Variants in CHRM2 observed in about 807,000 individuals in gnomAD.
CHRM2 encodes the protein cholinergic receptor muscarinic 2.
A neutral mutation model predicts 25.0 loss-of-function variants in CHRM2; 8 were observed. The ratio of observed to expected loss-of-function variants is 0.32; its 90% CI spans 0.19 to 0.58. The LOEUF is 0.58. Ranked by LOEUF, CHRM2 falls within the 20% of genes least tolerant of loss-of-function variation. The probability of loss-of-function intolerance (pLI) is 0.88; values close to 1 mark genes in which losing one functional copy is unlikely to be tolerated. For synonymous variants in CHRM2, 202 were observed against 205.7 expected, an observed-to-expected ratio of 0.98 and a Z score of 0.15; for missense variants, 440 against 567.1, an observed-to-expected ratio of 0.78 and a Z score of 2.28.
At position 136,868,860 on chromosome 7, in the gene CHRM2, C is replaced by G. The variant is rs560130287; in HGVS notation, c.-415C>G. 3 of 152,378 alleles carry G rather than the reference C, an allele frequency of 2.0e-5. No individual in the cohort carries two copies. The highest frequency in any genetic ancestry group is 7.2e-5 in the African/African-American group (3 of 41,540). The allele number at this position is 152,378 out of a possible 1,614,324, so 9.4% of individuals were successfully genotyped here. ...TTCACCAGGAAATCGCCGAGGTACC[C>G]GAATAGGTGTTGCCTCCCAAAACTA... On this transcript the variant is annotated 5_prime_UTR_variant, in exon 1 of 4. Transcript: ENST00000680005.
intron 2 of CHRM2, among the ~76,000 whole-genome samples, chr7:136,945,596 A>T (rs1800028614): frequency 6.6e-6 from 1 of 152,002 alleles, no homozygotes; most frequent in South Asian, 2.1e-4. Flanking sequence ...TTTTTATACT[A>T]GTTCCTTGCT....
chr7:136,920,734 A>G (rs530362796), intron 2 of CHRM2, among the ~76,000 whole-genome samples: 1 of 152,244 alleles, frequency 6.6e-6, no homozygotes, highest in African/African-American at 2.4e-5. Flanking sequence ...CTCAAAGCAT[A>G]AGCTCAAAAA....
At position 137,016,092 on chromosome 7, in the gene CHRM2, TAACACCTTTTGTGCACCTTGCATCCCC is replaced by T; in HGVS notation, c.1233_1259del (p.Phe412_Thr420del). ...CCCCATACAATGTCATGGTGCTCAT[TAACACCTTTTGTGCACCTTGCATCCCC>T]AACACTGTGTGGACAATTGGTTACT... On this transcript the variant is annotated inframe_deletion, in exon 4 of 4. Transcript: ENST00000680005. 1 of 1,612,368 alleles carries T rather than the reference TAACACCTTTTGTGCACCTTGCATCCCC, an allele frequency of 6.2e-7. No homozygotes were observed. The highest frequency in any genetic ancestry group is 8.5e-7 in the Non-Finnish European group (1 of 1,179,022).
At chr7:136,929,062 C>T (rs181655023) in intron 2 of CHRM2, among the ~76,000 whole-genome samples, 4 of 152,088 alleles carry the variant, frequency 2.6e-5, no homozygotes, top group East Asian at 1.9e-4. Flanking sequence ...TGTGTGCAGA[C>T]GATATGCGAT....
At chr7:136,918,840 C>G (rs184891379) in intron 2 of CHRM2, among the ~76,000 whole-genome samples, 1 of 152,064 alleles carries the variant, frequency 6.6e-6, no homozygotes, top group Non-Finnish European at 1.5e-5. Context: ...CATCTGTTCT[C>G]TCCTTGGAGA....
At position 136,887,278 on chromosome 7, in the gene CHRM2, TA is replaced by T. The variant is rs547473390; in HGVS notation, c.-125+17866del. On this transcript the variant is annotated intron_variant, in intron 2 of 3. Transcript: ENST00000680005. ...AAATGTATTTTAAAAATGCTTTGCT[TA>T]AAAAACCTTTACAATTTGCAAAGGA... is the stretch of plus-strand genomic sequence containing the variant. 6.2e-3 allele frequency among the ~76,000 whole-genome samples: 937 copies of T among 152,166 alleles called. 13 individuals carry two copies. The highest frequency in any genetic ancestry group is 0.034 in the Middle Eastern group (10 of 294).
At chr7:136,994,169 T>A (rs185147989) in intron 3 of CHRM2, among the ~76,000 whole-genome samples, 1 of 152,238 alleles carries the variant, frequency 6.6e-6, no homozygotes, top group Admixed American at 6.5e-5. Flanking sequence ...CTGACAGACC[T>A]TGGGGAAAAT....
chr7:136,902,839 AAT>A (rs1797304622), intron 2 of CHRM2: 1 of 283,056 alleles, frequency 3.5e-6, no homozygotes, highest in South Asian at 3.3e-5. Flanking sequence ...AGTACAATTT[AAT>A]ATGTTTGTTA....
At chr7:136,895,935 T>G (rs1427093437) in intron 2 of CHRM2, among the ~76,000 whole-genome samples, 2 of 152,180 alleles carry the variant, frequency 1.3e-5, no homozygotes, top group Admixed American at 1.3e-4. Flanking sequence ...TGGGGAGACC[T>G]TCTAAACACA....
At chr7:136,987,726 G>T (rs569862399) in intron 2 of CHRM2, among the ~76,000 whole-genome samples, 1 of 152,212 alleles carries the variant, frequency 6.6e-6, no homozygotes, top group East Asian at 1.9e-4. Flanking sequence ...ATTTCCAAAA[G>T]GTTAGCCTTT....
chr7:137,006,676 T>A lies in CHRM2; in HGVS notation c.-46-8144T>A, dbSNP rs901547587. ...CATTTTTTTTTCTTTTTCACAAAAG[T>A]GCAACTCACATCTAGCACTGCACAC... On this transcript the variant is annotated intron_variant, in intron 3 of 3. Coordinates refer to ENST00000680005, the MANE Select transcript of CHRM2 (RefSeq NM_001006630.2). Among the ~76,000 whole-genome samples the A allele has an allele frequency of 2.4e-4, 37 of 152,036 alleles. 1 individual carries two copies. Among genetic ancestry groups the A allele is most frequent in the African/African-American group, 8.7e-4 (36 of 41,408 alleles).
chr7:136,938,560 G>A, intron 2 of CHRM2: 5 of 906,636 alleles, frequency 5.5e-6, no homozygotes, highest in South Asian at 2.6e-5. Flanking sequence ...CTCCCATGCC[G>A]CTGGCCCCAC....
intron 2 of CHRM2, among the ~76,000 whole-genome samples, chr7:136,967,603 C>T (rs1801497460): frequency 6.6e-6 from 1 of 151,938 alleles, no homozygotes; most frequent in Non-Finnish European, 1.5e-5. Flanking sequence ...ACACATTAGG[C>T]CCTTCCAACT....
At chr7:136,989,955 A>T (rs1406054401) in intron 2 of CHRM2, among the ~76,000 whole-genome samples, 2 of 151,960 alleles carry the variant, frequency 1.3e-5, no homozygotes, top group African/African-American at 4.8e-5. Flanking sequence ...CCTCTCCCAG[A>T]CTCAATTTTG....
At chr7:136,992,364 G>A (rs1213994714) in intron 3 of CHRM2, 100 bp downstream of exon 3, 2 of 152,164 alleles carry the variant, frequency 1.3e-5, no homozygotes, top group African/African-American at 4.8e-5. Flanking sequence ...AGGTAAATAT[G>A]TCAAGTAAAA....
chr7:137,012,865 G>C (rs960873673), intron 3 of CHRM2, among the ~76,000 whole-genome samples: 1 of 151,832 alleles, frequency 6.6e-6, no homozygotes, highest in Non-Finnish European at 1.5e-5. Context: ...AAGTTCTATA[G>C]ATATAGATAC....
At chr7:136,910,116 A>G (rs549250210) in intron 2 of CHRM2, among the ~76,000 whole-genome samples, 6 of 151,946 alleles carry the variant, frequency 3.9e-5, no homozygotes, top group African/African-American at 1.4e-4. Flanking sequence ...GGAAGAGAGT[A>G]AAGACAACAT....
At chr7:136,973,352 C>T (rs186561) in intron 2 of CHRM2, among the ~76,000 whole-genome samples, 18 of 73,662 alleles carry the variant, frequency 2.4e-4, no homozygotes, top group South Asian at 7.5e-4. Context: ...GGGATGGTGG[C>T]AGGTGATGAC....
intron 3 of CHRM2, among the ~76,000 whole-genome samples, chr7:136,998,330 G>C (rs894545632): frequency 1.0e-3 from 153 of 152,006 alleles, no homozygotes; most frequent in African/African-American, 3.6e-3. Flanking sequence ...CTGACACAAA[G>C]TGAGTCCTCT....
Sources: gnomAD v4.1 joint callset for allele counts (sites outside exome capture counted in the v4.1 genomes callset) on GRCh38, gnomAD v4.1.1 for gene constraint, MANE v1.5 for transcripts, NCBI Gene and HGNC (gene_info 2026-07-23, HGNC 2026-07-21) for gene names.